METTL25: variants seen among roughly 807,000 people sequenced by gnomAD.
METTL25 encodes probable methyltransferase-like protein 25.
A neutral mutation model predicts 71.6 loss-of-function variants in METTL25; 64 were observed. The ratio of observed to expected loss-of-function variants is 0.89; its 90% CI spans 0.73 to 1.10. The LOEUF is 1.10. Among genes scored for constraint, METTL25 ranks in the 50% least tolerant of loss-of-function variants. The probability of loss-of-function intolerance (pLI) is 0.00; values close to 1 mark genes in which losing one functional copy is unlikely to be tolerated. For synonymous variants in METTL25, 287 were observed against 250.3 expected (o/e 1.15, Z -1.38); for missense variants, 807 against 707.0 (o/e 1.14, Z -1.60).
At chr12:82,413,593 AG>A (rs1256586851) in intron 5 of METTL25, among the ~76,000 whole-genome samples, 1 of 152,076 alleles carries the variant, frequency 6.6e-6, no homozygotes, top group Non-Finnish European at 1.5e-5. Flanking sequence ...TGGATCGGTT[AG>A]CTTTTGTGGA....
chr12:82,363,134 T>G (rs1431197168), intron 1 of METTL25, among the ~76,000 whole-genome samples: 2 of 152,176 alleles, frequency 1.3e-5, no homozygotes, highest in Non-Finnish European at 2.9e-5. Context: ...GTCTGAGATC[T>G]AAGATCTGAG....
intron 5 of METTL25, among the ~76,000 whole-genome samples, chr12:82,422,164 C>A (rs1245386343): frequency 6.6e-6 from 1 of 152,118 alleles, no homozygotes; most frequent in African/African-American, 2.4e-5. Flanking sequence ...TACTGGCAAC[C>A]CGAATCCAGC....
chr12:82,381,212 A>G (rs1305970529), intron 1 of METTL25, among the ~76,000 whole-genome samples: 1 of 152,138 alleles, frequency 6.6e-6, no homozygotes, highest in African/African-American at 2.4e-5. Context: ...CTAAATTTCT[A>G]TTTCTTTGCA....
intron 5 of METTL25, among the ~76,000 whole-genome samples, chr12:82,418,477 C>A (rs1888179339): frequency 6.6e-6 from 1 of 152,084 alleles, no homozygotes; most frequent in Non-Finnish European, 1.5e-5. Context: ...GTTTGAAATA[C>A]CCACTTTAAA....
At chr12:82,391,629 T>C (rs573418975) in intron 3 of METTL25, among the ~76,000 whole-genome samples, 4 of 152,080 alleles carry the variant, frequency 2.6e-5, no homozygotes, top group African/African-American at 4.8e-5. Flanking sequence ...CATAAATTCA[T>C]TGATGGACAC....
At chr12:82,407,969 A>G in intron 5 of METTL25, 1 of 984,988 alleles carries the variant, frequency 1.0e-6, no homozygotes, top group Non-Finnish European at 1.2e-6. Context: ...CATCCCATGA[A>G]ATTTTTATAA....
intron 5 of METTL25, among the ~76,000 whole-genome samples, chr12:82,411,101 G>A (rs772682952): frequency 6.6e-6 from 1 of 152,010 alleles, no homozygotes; most frequent in Non-Finnish European, 1.5e-5. Flanking sequence ...GCATTGAAAA[G>A]CTGGAAACAT....
At chr12:82,465,039 T>A (rs1050826728) in intron 9 of METTL25, among the ~76,000 whole-genome samples, 18 of 151,978 alleles carry the variant, frequency 1.2e-4, no homozygotes, top group African/African-American at 4.3e-4. Flanking sequence ...TAAGATCATG[T>A]CATCTGGAAA....
In METTL25 at chr12:82,392,229, A is replaced by G. The variant is rs532472662; in HGVS notation, c.531+2307A>G. Among the ~76,000 whole-genome samples, 5 of 150,186 alleles carry G rather than the reference A, an allele frequency of 3.3e-5. No individual in the cohort carries two copies. In the South Asian group the frequency reaches 8.5e-4, roughly 26 times the overall value. On this transcript the variant is annotated intron_variant, in intron 3 of 11. Coordinates refer to ENST00000248306, the MANE Select transcript of METTL25 (RefSeq NM_032230.3). ...ACTAACTCGTCATCTAGCATTAGGT[A>G]TATCTCCCAATGCTATCCCTCCCCC...
chr12:82,373,392 G>A (rs1030867989), intron 1 of METTL25, among the ~76,000 whole-genome samples: 2 of 152,082 alleles, frequency 1.3e-5, no homozygotes, highest in African/African-American at 4.8e-5. Context: ...TGGGGCTTTG[G>A]GCAAAAATTA....
chr12:82,381,085 A>G (rs1884398826), intron 1 of METTL25, among the ~76,000 whole-genome samples: 1 of 152,236 alleles, frequency 6.6e-6, no homozygotes, highest in Non-Finnish European at 1.5e-5. Context: ...ATAGTAAAAC[A>G]CTAAGTCTCA....
At chr12:82,395,481 C>T (rs1380630756) in intron 3 of METTL25, among the ~76,000 whole-genome samples, 1 of 151,998 alleles carries the variant, frequency 6.6e-6, no homozygotes, top group Non-Finnish European at 1.5e-5. Context: ...TGGATTTGCT[C>T]ACAGTTCAGA....
chr12:82,381,034 T>G (rs985848500), intron 1 of METTL25, among the ~76,000 whole-genome samples: 5 of 152,208 alleles, frequency 3.3e-5, no homozygotes, highest in African/African-American at 1.2e-4. Flanking sequence ...CTGAACCCCC[T>G]TCAATCCATA....
At chr12:82,441,295 T>TATAC (rs765749935) in intron 8 of METTL25, among the ~76,000 whole-genome samples, 8 of 150,872 alleles carry the variant, frequency 5.3e-5, no homozygotes, top group Non-Finnish European at 1.2e-4. Context: ...TAACATCTTA[T>TATAC]ATATATATAT....
chr12:82,369,549 C>T (rs762836789), intron 1 of METTL25: 47 of 429,848 alleles, frequency 1.1e-4, no homozygotes, highest in South Asian at 2.3e-4. Flanking sequence ...AATGAAGCCG[C>T]GGACCTTCAC....
intron 5 of METTL25, among the ~76,000 whole-genome samples, chr12:82,418,025 G>C (rs1888139984): frequency 6.6e-6 from 1 of 152,106 alleles, no homozygotes; most frequent in Non-Finnish European, 1.5e-5. Flanking sequence ...AAAAAGCAGG[G>C]AAATTTCTTA....
At chr12:82,416,745 T>G (rs1361172134) in intron 5 of METTL25, among the ~76,000 whole-genome samples, 1 of 152,110 alleles carries the variant, frequency 6.6e-6, no homozygotes, top group Non-Finnish European at 1.5e-5. Flanking sequence ...AATGCTGGGA[T>G]TACAGGTGTG....
intron 5 of METTL25, among the ~76,000 whole-genome samples, chr12:82,417,641 G>T (rs750005088): frequency 6.6e-6 from 1 of 152,104 alleles, no homozygotes; most frequent in Non-Finnish European, 1.5e-5. Context: ...TGTCTACAAT[G>T]TGCCAGATAC....
intron 5 of METTL25, among the ~76,000 whole-genome samples, chr12:82,422,968 T>G (rs2137111687): frequency 6.6e-6 from 1 of 152,312 alleles, no homozygotes; most frequent in African/African-American, 2.4e-5. Context: ...ATGGCCATAC[T>G]GCCCAAGGTA....
Sources: allele counts gnomAD v4.1 joint callset (sites outside exome capture counted in the v4.1 genomes callset), GRCh38; gene constraint gnomAD v4.1.1; transcripts MANE v1.5; gene names NCBI Gene and HGNC (gene_info 2026-07-23, HGNC 2026-07-21).